The following ANKRD45 variants were observed in gnomAD, a reference collection of about 807,000 sequenced individuals.
The protein encoded by ANKRD45 is ankyrin repeat domain 45.
In ANKRD45, 21 loss-of-function variants were observed where a neutral mutation model predicts 28.1. The ratio of observed to expected loss-of-function variants is 0.75; its 90% CI spans 0.53 to 1.08. The LOEUF (loss-of-function observed/expected upper bound fraction) is 1.08, where lower values mean the gene tolerates loss of function less well. ANKRD45 is among the 50% of genes least tolerant of loss of function. The pLI, the probability that ANKRD45 is intolerant of heterozygous loss-of-function variation, is 0.00. For missense variants in ANKRD45, 261 were observed against 308.7 expected, an observed-to-expected ratio of 0.85 and a Z score of 1.16; for synonymous variants, 86 against 103.9, an observed-to-expected ratio of 0.83 and a Z score of 1.05.
At chr1:173,711,936 C>A in the ANKRD45 span, among the ~76,000 whole-genome samples, 1 of 152,120 alleles carries the variant, frequency 6.6e-6, no homozygotes, top group Non-Finnish European at 1.5e-5. Context: ...CTGCTCTTAT[C>A]CTGGACAGGA....
chr1:173,612,303 A>AAGAAGGAAG (rs1553264012), intron 5 of ANKRD45, among the ~76,000 whole-genome samples: 8 of 114,462 alleles, frequency 7.0e-5, no homozygotes, highest in Middle Eastern at 4.2e-3. Flanking sequence ...AAAGAAGGAA[A>AAGAAGGAAG]GAAGGAAGGA....
At chr1:173,636,032 A>T (rs776349950) in intron 3 of ANKRD45, among the ~76,000 whole-genome samples, 7 of 152,118 alleles carry the variant, frequency 4.6e-5, no homozygotes, top group Admixed American at 1.3e-4. Context: ...ATGTGTATTG[A>T]ATTAGAAGGT....
chr1:173,655,574 G>A (rs544857514), intron 2 of ANKRD45, among the ~76,000 whole-genome samples: 2 of 152,344 alleles, frequency 1.3e-5, no homozygotes, highest in African/African-American at 4.8e-5. Context: ...TGGGGATCAG[G>A]AGGCAGTGTG....
chr1:173,669,485 AAAGAG>A (rs778171242), intron 1 of ANKRD45: 2 of 455,938 alleles, frequency 4.4e-6, no homozygotes, highest in South Asian at 3.1e-5. Flanking sequence ...AGAGTTAAAC[AAAGAG>A]AAGGCCTGAG....
intron 2 of ANKRD45, among the ~76,000 whole-genome samples, chr1:173,654,838 C>A (rs938710270): frequency 6.6e-5 from 10 of 152,138 alleles, no homozygotes; most frequent in African/African-American, 2.4e-4. Context: ...CACTTTATTT[C>A]ATTAATTTGA....
chr1:173,661,240 AG>A (rs1669762541), intron 1 of ANKRD45, among the ~76,000 whole-genome samples: 1 of 152,130 alleles, frequency 6.6e-6, no homozygotes, highest in Admixed American at 6.5e-5. Context: ...AATGTGATAA[AG>A]GGAATTATAT....
the ANKRD45 span, among the ~76,000 whole-genome samples, chr1:173,703,369 A>G: frequency 6.6e-6 from 1 of 151,756 alleles, no homozygotes; most frequent in South Asian, 2.1e-4. Context: ...ACACCTGGCT[A>G]ATTTTTTTGT....
At chr1:173,637,415 T>G (rs923586663) in intron 3 of ANKRD45, among the ~76,000 whole-genome samples, 6 of 152,220 alleles carry the variant, frequency 3.9e-5, no homozygotes, top group African/African-American at 1.4e-4. Flanking sequence ...TGTTCTTAGC[T>G]CCCACATTTT....
chr1:173,694,139 C>G, the ANKRD45 span, among the ~76,000 whole-genome samples: 1 of 151,090 alleles, frequency 6.6e-6, no homozygotes. Context: ...CAAGTGTAGA[C>G]TAGGTGCTCA....
upstream of ANKRD45, among the ~76,000 whole-genome samples, chr1:173,672,186 AATT>A (rs1670282002): frequency 6.6e-6 from 1 of 152,206 alleles, no homozygotes; most frequent in Middle Eastern, 3.2e-3. Context: ...TTTCAAATGT[AATT>A]ATTAATTTTT....
At chr1:173,704,807 G>C in the ANKRD45 span, among the ~76,000 whole-genome samples, 1 of 152,224 alleles carries the variant, frequency 6.6e-6, no homozygotes, top group African/African-American at 2.4e-5. Flanking sequence ...TTCTGAGATG[G>C]AGTTTAGTAT....
chr1:173,708,750 T>C, the ANKRD45 span, among the ~76,000 whole-genome samples: 2 of 152,228 alleles, frequency 1.3e-5, no homozygotes, highest in African/African-American at 2.4e-5. Flanking sequence ...TTTCCCCATA[T>C]AGGTTTCACA....
At chr1:173,616,593 T>A (rs1300423307) in intron 5 of ANKRD45, among the ~76,000 whole-genome samples, 3 of 152,242 alleles carry the variant, frequency 2.0e-5, no homozygotes, top group Non-Finnish European at 2.9e-5. Context: ...GCTATTATTT[T>A]AAAAAAATGT....
In ANKRD45 at chr1:173,627,173, C is replaced by T. The variant is rs754379067; in HGVS notation, c.497-14G>A. 1 of 1,531,602 alleles carries T rather than the reference C, an allele frequency of 6.5e-7. No homozygotes were observed. The highest frequency in any genetic ancestry group is 9.0e-7 in the Non-Finnish European group (1 of 1,108,506). 94.9% of individuals were successfully genotyped at this position (1,531,602 alleles called of 1,614,324 possible). On this transcript the variant is annotated splice_polypyrimidine_tract_variant and intron_variant, in intron 3 of 5. Coordinates refer to ENST00000333279, the MANE Select transcript of ANKRD45 (RefSeq NM_198493.3). ...TCAGCCTTGCATCTGAAAGAATGGA[C>T]AGAAACACACACATGACAAGACAAA...
chr1:173,611,761 A>C (rs1420158697), intron 5 of ANKRD45, among the ~76,000 whole-genome samples: 4 of 152,210 alleles, frequency 2.6e-5, no homozygotes. Flanking sequence ...AGAAAGCAGA[A>C]GCAACAAAGG....
chr1:173,647,801 T>C (rs528525326), intron 2 of ANKRD45, among the ~76,000 whole-genome samples: 1 of 136,830 alleles, frequency 7.3e-6, no homozygotes, highest in Admixed American at 6.6e-5. Context: ...CTAAACTGTT[T>C]TTTCAGACAG....
the ANKRD45 span, among the ~76,000 whole-genome samples, chr1:173,683,398 T>C: frequency 6.6e-6 from 1 of 152,112 alleles, no homozygotes; most frequent in Non-Finnish European, 1.5e-5. Flanking sequence ...GAAAAAAACT[T>C]GCCTTCCTTG....
At chr1:173,660,045 G>A (rs1669710912) in intron 1 of ANKRD45, among the ~76,000 whole-genome samples, 1 of 152,112 alleles carries the variant, frequency 6.6e-6, no homozygotes, top group Non-Finnish European at 1.5e-5. Flanking sequence ...GAGTTTAGAA[G>A]CAATAAGATT....
At chr1:173,689,532 T>A in the ANKRD45 span, among the ~76,000 whole-genome samples, 1 of 152,310 alleles carries the variant, frequency 6.6e-6, no homozygotes, top group South Asian at 2.1e-4. Context: ...TTTTGAAATA[T>A]CTGGCCAACT....
Sources: allele counts gnomAD v4.1 joint callset (sites outside exome capture counted in the v4.1 genomes callset), GRCh38; gene constraint gnomAD v4.1.1; transcripts MANE v1.5; gene names NCBI Gene and HGNC (gene_info 2026-07-23, HGNC 2026-07-21).